The following INTU variants were observed in gnomAD, a reference collection of about 807,000 sequenced individuals.
INTU encodes the protein inturned planar cell polarity protein.
Under a neutral mutation model 100.5 loss-of-function variants are expected in INTU, and 68 were observed. That is an observed-to-expected ratio of 0.68 (90% CI 0.56 to 0.83). INTU has a LOEUF of 0.83. Among genes scored for constraint, INTU ranks in the 40% least tolerant of loss-of-function variants. The probability of loss-of-function intolerance (pLI) is 0.00; values close to 1 mark genes in which losing one functional copy is unlikely to be tolerated. For synonymous variants in INTU, 357 were observed against 395.7 expected, an observed-to-expected ratio of 0.90 and a Z score of 1.16; for missense variants, 1,071 against 1,114.7, an observed-to-expected ratio of 0.96 and a Z score of 0.56.
intron 2 of INTU, among the ~76,000 whole-genome samples, chr4:127,650,981 T>C (rs1213164488): frequency 6.6e-6 from 1 of 152,076 alleles, no homozygotes; most frequent in Non-Finnish European, 1.5e-5. Flanking sequence ...GTGATGAGCA[T>C]TTTTTCATGT....
At chr4:127,680,850 AC>A (rs1729503308) in intron 6 of INTU, among the ~76,000 whole-genome samples, 1 of 151,764 alleles carries the variant, frequency 6.6e-6, no homozygotes, top group Non-Finnish European at 1.5e-5. Context: ...TATCTAGAAA[AC>A]CCCATTGTCT....
intron 13 of INTU, among the ~76,000 whole-genome samples, chr4:127,710,400 C>T (rs1254158963): frequency 6.6e-6 from 1 of 151,996 alleles, no homozygotes; most frequent in African/African-American, 2.4e-5. Context: ...CTAAGTCCTA[C>T]CCATTCTGCA....
intron 5 of INTU, among the ~76,000 whole-genome samples, chr4:127,673,375 C>T (rs1299063724): frequency 6.8e-6 from 1 of 147,038 alleles, no homozygotes; most frequent in Non-Finnish European, 1.5e-5. Context: ...TTAAGAGATG[C>T]GGTCTTACTT....
intron 6 of INTU, among the ~76,000 whole-genome samples, chr4:127,674,982 ACATTGATTCCCTAACAT>A (rs1222892114): frequency 6.6e-6 from 1 of 152,222 alleles, no homozygotes; most frequent in East Asian, 1.9e-4. Context: ...TCTTTCTACA[ACATTGATTCCCTAACAT>A]CATAGGACAT....
At chr4:127,693,769 G>T (rs1406321778) in intron 8 of INTU, among the ~76,000 whole-genome samples, 3 of 152,008 alleles carry the variant, frequency 2.0e-5, no homozygotes, top group African/African-American at 4.8e-5. Context: ...TTTGCTGAGG[G>T]TTTTAATCAT....
At chr4:127,681,797 A>G (rs1338114893) in intron 6 of INTU, among the ~76,000 whole-genome samples, 1 of 152,194 alleles carries the variant, frequency 6.6e-6, no homozygotes. Context: ...AAAAGAAACT[A>G]CCATCAGAGT....
chr4:127,726,384 G>C lies in INTU; in HGVS notation c.*9948G>C, dbSNP rs1046578431. ...TGTATGTGTTAATTCTCTCTAAACA[G>C]TGCCTGGCACATATTACATGCTATA... On this transcript the variant is annotated 3_prime_UTR_variant, in exon 16 of 16. Coordinates refer to ENST00000335251, the MANE Select transcript of INTU (RefSeq NM_015693.4). 1 of 152,140 alleles carries C rather than the reference G, an allele frequency of 6.6e-6. No individual in the cohort carries two copies. The highest frequency in any genetic ancestry group is 2.4e-5 in the African/African-American group (1 of 41,434). 9.4% of individuals were successfully genotyped at this position (152,140 alleles called of 1,614,324 possible).
chr4:127,674,077 G>C, intron 5 of INTU, 47 bp from the exon 6 acceptor site: 1 of 1,208,418 alleles, frequency 8.3e-7, no homozygotes. Context: ...ATAATTTTAT[G>C]ACATTTAAAG....
intron 6 of INTU, among the ~76,000 whole-genome samples, chr4:127,674,678 G>C (rs1042089603): frequency 2.6e-5 from 4 of 152,090 alleles, no homozygotes; most frequent in African/African-American, 9.7e-5. Flanking sequence ...TATTATCATG[G>C]TCTCCCTCTT....
chr4:127,674,492 T>C (rs1338113858), intron 6 of INTU, among the ~76,000 whole-genome samples: 7 of 152,232 alleles, frequency 4.6e-5, no homozygotes, highest in African/African-American at 1.7e-4. Context: ...GAGCTCTGCC[T>C]CTGCTTAAAT....
At position 127,664,438 on chromosome 4, in the gene INTU, A is replaced by G. The variant is rs1370526898; in HGVS notation, c.972+854A>G. Among the ~76,000 whole-genome samples the G allele has an allele frequency of 1.2e-4, 18 of 152,074 alleles. No homozygotes were observed. The East Asian group carries it at 3.5e-3, about 29-fold the overall frequency. On this transcript the variant is annotated intron_variant, in intron 4 of 15. Coordinates refer to ENST00000335251, the MANE Select transcript of INTU (RefSeq NM_015693.4). ...TATTGGTTTCTTGTCTGCTTTGCCTATTCATAATTAAGAAAGATATAGAAA... is the reference window on the plus strand; with the variant it reads ...TATTGGTTTCTTGTCTGCTTTGCCTGTTCATAATTAAGAAAGATATAGAAA...
In INTU at chr4:127,704,291, G is replaced by T. The variant is rs1730779140; in HGVS notation, c.1566+1G>T. 6.2e-7 allele frequency: 1 copy of T among 1,606,982 alleles called. No homozygotes were observed. Among genetic ancestry groups the T allele is most frequent in the African/African-American group, 1.3e-5 (1 of 74,900 alleles). ...TTTGGGGTCTTCTCTATTTTACAAG[G>T]TAAGTTGAAGCTTGAAGTCTAAATG... is the stretch of plus-strand genomic sequence containing the variant. On this transcript the variant is annotated splice_donor_variant, in intron 10 of 15. Coordinates refer to ENST00000335251, the MANE Select transcript of INTU (RefSeq NM_015693.4). LOFTEE classifies it high-confidence loss of function.
intron 5 of INTU, among the ~76,000 whole-genome samples, chr4:127,673,205 C>T (rs1729012603): frequency 1.3e-5 from 2 of 151,970 alleles, no homozygotes; most frequent in Admixed American, 1.3e-4. Context: ...TGAGACAGGG[C>T]CTCGCTTTGT....
chr4:127,703,861 G>T (rs1032464386), intron 9 of INTU, among the ~76,000 whole-genome samples: 12 of 152,058 alleles, frequency 7.9e-5, no homozygotes, highest in African/African-American at 2.4e-4. Flanking sequence ...TTGCAAATAG[G>T]TTGCATCAAT....
At chr4:127,703,501 T>G (rs888080700) in intron 9 of INTU, among the ~76,000 whole-genome samples, 7 of 152,188 alleles carry the variant, frequency 4.6e-5, no homozygotes, top group African/African-American at 1.7e-4. Flanking sequence ...TGTATATAGT[T>G]GGTGGGGATG....
chr4:127,644,205 C>A, intron 2 of INTU, 149 bp downstream of exon 2: 1 of 807,456 alleles, frequency 1.2e-6, no homozygotes, highest in Non-Finnish European at 1.9e-6. Flanking sequence ...GAAATGGTTA[C>A]ACATGGTGCA....
At chr4:127,677,168 G>A (rs998768914) in intron 6 of INTU, among the ~76,000 whole-genome samples, 1 of 152,318 alleles carries the variant, frequency 6.6e-6, no homozygotes, top group African/African-American at 2.4e-5. Flanking sequence ...ACCTCTGGGG[G>A]CAGGGCACAG....
chr4:127,658,889 A>G (rs1728352823), intron 3 of INTU, among the ~76,000 whole-genome samples: 1 of 152,144 alleles, frequency 6.6e-6, no homozygotes, highest in African/African-American at 2.4e-5. Context: ...ACAACTCACC[A>G]TAATGTAGAA....
chr4:127,656,690 G>C lies in INTU; in HGVS notation c.737G>C (p.Arg246Thr). ...DVDVTTENIE[R>T]VLSCIPGPMQ... ...GATGTTACTACTGAAAACATCGAGAGAGTTCTGTCTTGCATTCCTGGACCT... is the reference window on the plus strand; with the variant it reads ...GATGTTACTACTGAAAACATCGAGACAGTTCTGTCTTGCATTCCTGGACCT... Residue 246 changes from arginine (R) to threonine (T), a missense_variant, in exon 3 of 16, where the codon AGA becomes ACA. Transcript: ENST00000335251. The C allele has an allele frequency of 2.5e-6, 4 of 1,611,008 alleles. No homozygotes were observed. Among genetic ancestry groups the C allele is most frequent in the Non-Finnish European group, 3.4e-6 (4 of 1,177,738 alleles).
Sources: allele counts gnomAD v4.1 joint callset (sites outside exome capture counted in the v4.1 genomes callset), GRCh38; gene constraint gnomAD v4.1.1; transcripts MANE v1.5; gene names NCBI Gene and HGNC (gene_info 2026-07-23, HGNC 2026-07-21).